The following TMEM196 variants were observed in gnomAD, a reference collection of about 807,000 sequenced individuals.
TMEM196 encodes the protein transmembrane protein 196.
In TMEM196, 17 loss-of-function variants were observed where a neutral mutation model predicts 20.0. That is an observed-to-expected ratio of 0.85 (90% CI 0.58 to 1.27). TMEM196 has a LOEUF of 1.27. TMEM196 is among the 50% of genes most tolerant of loss of function. TMEM196 has a pLI of 0.00. For synonymous variants in TMEM196, 113 were observed against 88.9 expected (o/e 1.27, Z -1.52); for missense variants, 267 against 223.0 (o/e 1.20, Z -1.26).
intron 1 of TMEM196, among the ~76,000 whole-genome samples, chr7:19,736,292 G>C (rs1171603801): frequency 8.1e-6 from 1 of 122,882 alleles, no homozygotes; most frequent in Non-Finnish European, 1.7e-5. Context: ...CAACTCATAA[G>C]GATGCCTCCT....
chr7:19,729,446 G>A lies in TMEM196; in HGVS notation c.148-8C>T, dbSNP rs565296660. On this transcript the variant is annotated splice_polypyrimidine_tract_variant and splice_region_variant and intron_variant, in intron 1 of 4. Coordinates refer to ENST00000405844, the MANE Select transcript of TMEM196 (RefSeq NM_001363562.2). The stretch of plus-strand genomic sequence containing the variant: ...AATGCCACAAAGAAGAAACTGAAAA[G>A]GAAAAGAAGAACAATTACTCCTTAT... The A allele has an allele frequency of 1.3e-6, 2 of 1,549,370 alleles. No homozygotes were observed. The highest frequency in any genetic ancestry group is 2.5e-5 in the East Asian group (1 of 40,760).
chr7:19,772,538 C>G lies in TMEM196; in HGVS notation c.147+12G>C. Reference sequence around the variant, plus strand: ...GTGAAATGGCTCAACGTACACACACCCCGCTCCATACCGGGGACGAGTCTC... The same window carrying G: ...GTGAAATGGCTCAACGTACACACACGCCGCTCCATACCGGGGACGAGTCTC... On this transcript the variant is annotated intron_variant, in intron 1 of 4. Coordinates refer to ENST00000405844, the MANE Select transcript of TMEM196 (RefSeq NM_001363562.2). The G allele has an allele frequency of 6.5e-7, 1 of 1,537,798 alleles. No individual in the cohort carries two copies. Among genetic ancestry groups the G allele is most frequent in the Non-Finnish European group, 8.8e-7 (1 of 1,141,022 alleles).
At chr7:19,770,950 T>C (rs1006844660) in intron 1 of TMEM196, among the ~76,000 whole-genome samples, 3 of 150,728 alleles carry the variant, frequency 2.0e-5, no homozygotes, top group Non-Finnish European at 4.4e-5. Flanking sequence ...TTGAATTTCG[T>C]TGGGGGCGGG....
chr7:19,751,362 A>G (rs968879967), intron 1 of TMEM196, among the ~76,000 whole-genome samples: 16 of 152,364 alleles, frequency 1.1e-4, no homozygotes, highest in African/African-American at 3.6e-4. Flanking sequence ...TTTGGAATAT[A>G]AAACCAGCAC....
intron 1 of TMEM196, among the ~76,000 whole-genome samples, chr7:19,752,334 A>C (rs754077925): frequency 2.6e-5 from 4 of 152,172 alleles, no homozygotes; most frequent in Non-Finnish European, 5.9e-5. Flanking sequence ...CTGTTCTCTC[A>C]AAACTCAAAG....
At chr7:19,730,286 G>A (rs1460590487) in intron 1 of TMEM196, among the ~76,000 whole-genome samples, 2 of 150,574 alleles carry the variant, frequency 1.3e-5, no homozygotes, top group Non-Finnish European at 3.0e-5. Context: ...AGAACACAAA[G>A]GGATAAAGCA....
chr7:19,765,207 A>T (rs1785580772), intron 1 of TMEM196, among the ~76,000 whole-genome samples: 1 of 152,200 alleles, frequency 6.6e-6, no homozygotes, highest in Non-Finnish European at 1.5e-5. Flanking sequence ...TAAATAGATC[A>T]GGGCACTCTA....
At chr7:19,764,684 G>T (rs1785555546) in intron 1 of TMEM196, among the ~76,000 whole-genome samples, 1 of 152,070 alleles carries the variant, frequency 6.6e-6, no homozygotes, top group Non-Finnish European at 1.5e-5. Flanking sequence ...AATATTTAAG[G>T]ATAGTTTGAG....
At chr7:19,732,960 G>A (rs1784266581) in intron 1 of TMEM196, among the ~76,000 whole-genome samples, 1 of 152,198 alleles carries the variant, frequency 6.6e-6, no homozygotes, top group Non-Finnish European at 1.5e-5. Context: ...ATAGCTGTAT[G>A]TATGTGCATA....
intron 1 of TMEM196, among the ~76,000 whole-genome samples, chr7:19,733,660 T>TAAA (rs369943856): frequency 1.3e-4 from 9 of 67,866 alleles, no homozygotes; most frequent in South Asian, 1.2e-3. Context: ...GATCCTTTTT[T>TAAA]AAAAAAAAAA....
At chr7:19,760,685 A>G (rs1283957971) in intron 1 of TMEM196, among the ~76,000 whole-genome samples, 1 of 151,960 alleles carries the variant, frequency 6.6e-6, no homozygotes, top group Non-Finnish European at 1.5e-5. Flanking sequence ...ACATAGCACA[A>G]TCTTTAATTT....
intron 1 of TMEM196, among the ~76,000 whole-genome samples, chr7:19,732,445 C>A (rs1034439411): frequency 6.6e-5 from 10 of 151,882 alleles, no homozygotes; most frequent in Non-Finnish European, 1.0e-4. Flanking sequence ...TGGTTGCAGT[C>A]ACCTGTAGTC....
intron 1 of TMEM196, among the ~76,000 whole-genome samples, chr7:19,757,857 T>G (rs955114368): frequency 1.3e-5 from 2 of 152,006 alleles, no homozygotes; most frequent in Non-Finnish European, 2.9e-5. Flanking sequence ...ACTCTATCCA[T>G]GGTTAAAAAT....
At chr7:19,756,556 T>C (rs1785220876) in intron 1 of TMEM196, among the ~76,000 whole-genome samples, 1 of 152,044 alleles carries the variant, frequency 6.6e-6, no homozygotes, top group African/African-American at 2.4e-5. Flanking sequence ...GTGTGTGTTG[T>C]TCCCGTCTAT....
chr7:19,729,746 A>G (rs1296043541), intron 1 of TMEM196, among the ~76,000 whole-genome samples: 3 of 152,174 alleles, frequency 2.0e-5, no homozygotes, highest in African/African-American at 7.2e-5. Context: ...ATTCCTTTCT[A>G]CTTTCTCAGG....
At chr7:19,765,793 G>A (rs930011131) in intron 1 of TMEM196, among the ~76,000 whole-genome samples, 1 of 151,978 alleles carries the variant, frequency 6.6e-6, no homozygotes, top group East Asian at 1.9e-4. Flanking sequence ...TAGATATTTT[G>A]GTACATTTTC....
chr7:19,754,146 G>T (rs984200244), intron 1 of TMEM196, among the ~76,000 whole-genome samples: 36 of 152,286 alleles, frequency 2.4e-4, no homozygotes, highest in African/African-American at 8.4e-4. Flanking sequence ...CTTTGAGAAA[G>T]TTACTTATTT....
intron 2 of TMEM196, among the ~76,000 whole-genome samples, chr7:19,729,000 G>C (rs952270670): frequency 1.3e-5 from 2 of 152,168 alleles, no homozygotes; most frequent in East Asian, 3.9e-4. Context: ...CTTAGGCCCA[G>C]TTCCATATTT....
rs1344026510 is a variant in TMEM196 at position 19,719,526 on chromosome 7, G to A, written c.*2602C>T. The A allele has an allele frequency of 6.6e-6, 1 of 151,606 alleles. No homozygotes were observed. The highest frequency in any genetic ancestry group is 1.5e-5 in the Non-Finnish European group (1 of 67,754). The allele number at this position is 151,606 out of a possible 1,614,324, so 9.4% of individuals were successfully genotyped here. On this transcript the variant is annotated 3_prime_UTR_variant, in exon 5 of 5. Coordinates refer to ENST00000405844, the MANE Select transcript of TMEM196 (RefSeq NM_001363562.2). ...CTCTACCTATTTGATATGGTCCAAA[G>A]TATACCACCACTCCAGTTTCACATA... is the stretch of plus-strand genomic sequence containing the variant.
Sources: gnomAD v4.1 joint callset for allele counts (sites outside exome capture counted in the v4.1 genomes callset) on GRCh38, gnomAD v4.1.1 for gene constraint, MANE v1.5 for transcripts, NCBI Gene and HGNC (gene_info 2026-07-23, HGNC 2026-07-21) for gene names.